The following MYO5B variants were observed in gnomAD, a reference collection of about 807,000 sequenced individuals.
The protein encoded by MYO5B is myosin VB, also known as unconventional myosin-Vb.
Under a neutral mutation model 229.3 loss-of-function variants are expected in MYO5B, and 143 were observed. The observed-to-expected ratio is 0.62, with a 90% confidence interval of 0.54 to 0.72. The LOEUF is 0.72. MYO5B is among the 30% of genes least tolerant of loss of function. The probability of loss-of-function intolerance (pLI) is 0.00; values close to 1 mark genes in which losing one functional copy is unlikely to be tolerated. For synonymous variants in MYO5B, 918 were observed against 885.2 expected (o/e 1.04, Z -0.66); for missense variants, 2,321 against 2,331.0 (o/e 1.00, Z 0.09).
chr18:50,141,127 A>G (rs530461235), intron 1 of MYO5B, among the ~76,000 whole-genome samples: 2 of 152,298 alleles, frequency 1.3e-5, no homozygotes, highest in South Asian at 4.1e-4. Context: ...CAGGACTCAG[A>G]CACTGGACAA....
intron 7 of MYO5B, among the ~76,000 whole-genome samples, chr18:49,989,083 C>A (rs774035292): frequency 6.6e-6 from 1 of 152,166 alleles, no homozygotes; most frequent in Non-Finnish European, 1.5e-5. Context: ...TCATAATTGA[C>A]AAGCTAAGCA....
At chr18:50,091,241 C>T (rs1180496162) in intron 1 of MYO5B, among the ~76,000 whole-genome samples, 1 of 152,202 alleles carries the variant, frequency 6.6e-6, no homozygotes, top group Non-Finnish European at 1.5e-5. Context: ...AGGCCCATCT[C>T]ATAGCAGCTT....
Position 49,884,687 on chromosome 18 carries a change from G to C in MYO5B, c.3046-4232C>G, listed in dbSNP as rs142861880. 3.3e-3 allele frequency among the ~76,000 whole-genome samples: 510 copies of C among 152,258 alleles called. 2 individuals carry two copies. The highest frequency in any genetic ancestry group is 0.012 in the African/African-American group (490 of 41,542). On this transcript the variant is annotated intron_variant, in intron 22 of 39. Transcript: ENST00000285039. ...ACTTGCCCACCACTCACCTCCTGCT[G>C]TGCGGCCTGGTTCCTGGACCACTAC...
At chr18:50,183,319 ATAT>A (rs1171228732) in intron 1 of MYO5B, among the ~76,000 whole-genome samples, 1 of 49,988 alleles carries the variant, frequency 2.0e-5, no homozygotes, top group African/African-American at 5.0e-5. Context: ...ATATATATAT[ATAT>A]ATATATATAT....
chr18:50,183,882 G>A (rs766098466), intron 1 of MYO5B, among the ~76,000 whole-genome samples: 9 of 152,036 alleles, frequency 5.9e-5, no homozygotes, highest in South Asian at 2.1e-4. Context: ...TCATTCCCAC[G>A]ACAGTGAGTT....
intron 29 of MYO5B, among the ~76,000 whole-genome samples, chr18:49,857,409 G>C (rs1177522455): frequency 6.6e-6 from 1 of 152,174 alleles, no homozygotes; most frequent in East Asian, 1.9e-4. Flanking sequence ...GAGCAGCATG[G>C]GAAGCCCCTG....
rs368793108 is a variant in MYO5B at position 49,879,078 on chromosome 18, T to G, written c.3143A>C (p.Gln1048Pro). The part of the protein sequence containing the change: ...ILCQSKDEFA[Q>P]NSVKENLMKK... The stretch of plus-strand genomic sequence containing the variant: ...CATGAGATTTTCCTTCACAGAGTTC[T>G]GGGCAAATTCATCTGGAAAGCAACA... The change falls in exon 24 of 40, where the codon CAG becomes CCG. Residue 1048 changes from glutamine to proline, a missense_variant. Physicochemically the swap from Gln to Pro is moderately conservative, Grantham distance 76. This residue lies in a region of MYO5B where 2,113 missense variants were observed against 2,044.7 expected (regional missense o/e 1.03). Transcript: ENST00000285039. The G allele has an allele frequency of 1.9e-5, 30 of 1,614,236 alleles. No individual in the cohort carries two copies. The highest frequency in any genetic ancestry group is 2.5e-5 in the Non-Finnish European group (29 of 1,180,038).
chr18:49,975,231 G>A (rs1408360188), intron 9 of MYO5B, among the ~76,000 whole-genome samples: 2 of 152,164 alleles, frequency 1.3e-5, no homozygotes, highest in African/African-American at 4.8e-5. Context: ...AGGCTCCTAA[G>A]GTGGATGGGC....
At position 50,001,342 on chromosome 18, in the gene MYO5B, A is replaced by G; in HGVS notation, c.525T>C (p.Tyr175=). The G allele has an allele frequency of 6.2e-7, 1 of 1,614,204 alleles. No individual in the cohort carries two copies. Among genetic ancestry groups the G allele is most frequent in the Non-Finnish European group, 8.5e-7 (1 of 1,180,018 alleles). ...CAACGGTGGCGAAATAGCGCATGGC[A>G]TACTTGGCTGATACCGTCTTCCCGG... is the stretch of plus-strand genomic sequence containing the variant. ...SGAGKTVSAK[Y]AMRYFATVGG... is the part of the protein sequence containing the mutation. The change falls in exon 5 of 40, where the codon TAT becomes TAC. Residue 175 remains tyrosine (Y), a synonymous_variant. Coordinates refer to ENST00000285039, the MANE Select transcript of MYO5B (RefSeq NM_001080467.3).
intron 33 of MYO5B, 112 bp downstream of exon 33, chr18:49,847,033 TG>T: frequency 8.2e-7 from 1 of 1,212,318 alleles, no homozygotes; most frequent in Non-Finnish European, 1.1e-6. Flanking sequence ...AGACAGAGGG[TG>T]GGGGCTGTGC....
At chr18:49,941,472 T>A (rs1787532) in intron 14 of MYO5B, among the ~76,000 whole-genome samples, 1 of 151,870 alleles carries the variant, frequency 6.6e-6, no homozygotes, top group South Asian at 2.1e-4. Flanking sequence ...CTATTCACAA[T>A]ATGCAGAGTC....
chr18:49,922,104 T>C (rs1022938970), intron 17 of MYO5B, among the ~76,000 whole-genome samples: 1 of 152,230 alleles, frequency 6.6e-6, no homozygotes, highest in Non-Finnish European at 1.5e-5. Context: ...CCTCTGGTCC[T>C]ATGAAGGTCT....
intron 17 of MYO5B, among the ~76,000 whole-genome samples, chr18:49,929,187 T>TA (rs2025161885): frequency 6.6e-6 from 1 of 152,054 alleles, no homozygotes; most frequent in South Asian, 2.1e-4. Context: ...GGGGGAATGG[T>TA]AAAGGGGACA....
At chr18:49,942,589 A>G (rs2025329262) in intron 14 of MYO5B, among the ~76,000 whole-genome samples, 1 of 152,108 alleles carries the variant, frequency 6.6e-6, no homozygotes, top group Admixed American at 6.5e-5. Context: ...GAAGACATTT[A>G]TGCAGCCAAA....
chr18:49,957,051 G>A (rs1036931496), intron 12 of MYO5B, among the ~76,000 whole-genome samples: 26 of 149,340 alleles, frequency 1.7e-4, no homozygotes, highest in African/African-American at 6.0e-4. Flanking sequence ...ACTTTAAATG[G>A]GTGAATTGTA....
intron 2 of MYO5B, among the ~76,000 whole-genome samples, chr18:50,042,856 A>G (rs1321263282): frequency 6.6e-6 from 1 of 152,162 alleles, no homozygotes; most frequent in Non-Finnish European, 1.5e-5. Context: ...CAGATTAGAA[A>G]GCCAGGACCT....
At chr18:49,962,237 A>T (rs757647900) in intron 12 of MYO5B, 29 bp downstream of exon 12, 1 of 1,613,772 alleles carries the variant, frequency 6.2e-7, no homozygotes, top group East Asian at 2.2e-5. Context: ...CTACCCTAGA[A>T]TTGAACTAAT....
intron 1 of MYO5B, among the ~76,000 whole-genome samples, chr18:50,128,169 C>G (rs1209752283): frequency 6.6e-6 from 1 of 152,134 alleles, no homozygotes; most frequent in Middle Eastern, 3.2e-3. Context: ...AGTTATCTTT[C>G]TCTAGAGAAT....
chr18:50,150,653 A>C (rs556191755), intron 1 of MYO5B, among the ~76,000 whole-genome samples: 4 of 152,216 alleles, frequency 2.6e-5, no homozygotes, highest in Admixed American at 1.3e-4. Flanking sequence ...TGGACACAGG[A>C]GGGGGAACAT....
Sources: allele counts gnomAD v4.1 joint callset (sites outside exome capture counted in the v4.1 genomes callset), GRCh38; gene constraint gnomAD v4.1.1; regional missense constraint gnomAD v4.1.1; transcripts MANE v1.5; gene names NCBI Gene and HGNC (gene_info 2026-07-23, HGNC 2026-07-21).